MBD5: variants seen among roughly 807,000 people sequenced by gnomAD.
MBD5 encodes methyl-CpG-binding domain protein 5.
A neutral mutation model predicts 117.3 loss-of-function variants in MBD5; 13 were observed. The observed-to-expected ratio is 0.11, with a 90% CI of 0.07 to 0.18. The LOEUF (loss-of-function observed/expected upper bound fraction) is 0.18, where lower values mean the gene tolerates loss of function less well. Ranked by LOEUF, MBD5 falls within the 10% of genes least tolerant of loss-of-function variation. MBD5 has a pLI of 1.00. For missense variants in MBD5, 1,879 were observed against 2,093.8 expected (o/e 0.90, Z 2.00); for synonymous variants, 727 against 766.4 (o/e 0.95, Z 0.85).
chr2:148,106,561 T>C (rs1696378301), intron 1 of MBD5, among the ~76,000 whole-genome samples: 1 of 151,990 alleles, frequency 6.6e-6, no homozygotes, highest in Non-Finnish European at 1.5e-5. Flanking sequence ...TTGTATTTGC[T>C]GTTATATTTG....
intron 4 of MBD5, among the ~76,000 whole-genome samples, chr2:148,394,566 T>C (rs1457952307): frequency 6.6e-6 from 1 of 151,710 alleles, no homozygotes; most frequent in East Asian, 1.9e-4. Flanking sequence ...TTTTTCATTT[T>C]TTTGTTCATT....
chr2:148,050,387 CT>C (rs1311703647), intron 1 of MBD5, among the ~76,000 whole-genome samples: 1 of 151,912 alleles, frequency 6.6e-6, no homozygotes, highest in Non-Finnish European at 1.5e-5. Context: ...TATTCAAATC[CT>C]TTTCCACTTT....
rs535100824 is a variant in MBD5 at position 148,514,934 on chromosome 2, G to A, written c.*1993G>A. 6.6e-6 allele frequency: 1 copy of A among 152,138 alleles called. No individual in the cohort carries two copies. Among genetic ancestry groups the A allele is most frequent in the Non-Finnish European group, 1.5e-5 (1 of 68,036 alleles). The allele number at this position is 152,138 out of a possible 1,614,324, so 9.4% of individuals were successfully genotyped here. On this transcript the variant is annotated 3_prime_UTR_variant, in exon 14 of 14. Transcript: ENST00000642680. ...GTAGGAACCCTTCGTTCTGGGGGTA[G>A]GTTCATTTTGTCTCTCTTGTAATGG...
At chr2:148,049,374 T>TA (rs1694628856) in intron 1 of MBD5, among the ~76,000 whole-genome samples, 1 of 152,192 alleles carries the variant, frequency 6.6e-6, no homozygotes, top group Non-Finnish European at 1.5e-5. Context: ...GAATAATTGT[T>TA]ATGCTGTGGT....
chr2:148,418,698 C>T (rs1574403524), intron 4 of MBD5, among the ~76,000 whole-genome samples: 1 of 152,146 alleles, frequency 6.6e-6, no homozygotes, highest in Non-Finnish European at 1.5e-5. Flanking sequence ...ACAAGGAGAA[C>T]TATAAAACAC....
At chr2:148,329,311 AATAG>A (rs1025768268) in intron 3 of MBD5, among the ~76,000 whole-genome samples, 3 of 152,238 alleles carry the variant, frequency 2.0e-5, no homozygotes, top group East Asian at 3.9e-4. Context: ...TATAGACATA[AATAG>A]ATAGATAATT....
At chr2:148,300,244 C>T (rs1701750962) in intron 3 of MBD5, among the ~76,000 whole-genome samples, 1 of 152,030 alleles carries the variant, frequency 6.6e-6, no homozygotes, top group African/African-American at 2.4e-5. Context: ...TTAGTAGAGA[C>T]AGGGTTTCAT....
intron 4 of MBD5, among the ~76,000 whole-genome samples, chr2:148,368,347 G>T (rs1370857104): frequency 6.6e-6 from 1 of 152,056 alleles, no homozygotes; most frequent in Non-Finnish European, 1.5e-5. Context: ...GTATGGAAGG[G>T]ATAGCATTAG....
chr2:148,213,867 A>G (rs997911079), intron 2 of MBD5, among the ~76,000 whole-genome samples: 11 of 152,064 alleles, frequency 7.2e-5, no homozygotes, highest in African/African-American at 2.7e-4. Flanking sequence ...TTAGCCAGCA[A>G]TCTGTGAGTC....
intron 10 of MBD5, among the ~76,000 whole-genome samples, chr2:148,487,598 T>G (rs1053705769): frequency 1.3e-5 from 2 of 152,140 alleles, no homozygotes; most frequent in African/African-American, 4.8e-5. Context: ...GATTTAGCAA[T>G]TAGGACATCA....
chr2:148,126,243 A>C (rs866784536), intron 1 of MBD5, among the ~76,000 whole-genome samples: 3,232 of 150,912 alleles, frequency 0.021, 126 homozygotes, highest in African/African-American at 0.073. Flanking sequence ...TAAAAATAAA[A>C]AAAAAAAAAA....
intron 3 of MBD5, among the ~76,000 whole-genome samples, chr2:148,309,891 C>T (rs554675344): frequency 6.6e-6 from 1 of 152,106 alleles, no homozygotes; most frequent in Non-Finnish European, 1.5e-5. Flanking sequence ...TTATCAAAGG[C>T]CTTTTCTGCA....
intron 2 of MBD5, among the ~76,000 whole-genome samples, chr2:148,230,678 TCA>T (rs1699961870): frequency 6.6e-6 from 1 of 151,846 alleles, no homozygotes. Context: ...CCAGCAAGTC[TCA>T]GAGTCTCACC....
At chr2:148,292,463 T>C (rs955965352) in intron 3 of MBD5, among the ~76,000 whole-genome samples, 3 of 152,210 alleles carry the variant, frequency 2.0e-5, no homozygotes, top group African/African-American at 7.2e-5. Context: ...AACAGGTATA[T>C]GAAAGGGTGT....
chr2:148,079,237 T>A (rs1301495483), intron 1 of MBD5, among the ~76,000 whole-genome samples: 1 of 152,178 alleles, frequency 6.6e-6, no homozygotes, highest in Non-Finnish European at 1.5e-5. Context: ...ATAGTTTGCT[T>A]CTATCTTCCA....
intron 1 of MBD5, among the ~76,000 whole-genome samples, chr2:148,132,353 CATAT>C (rs778979879): frequency 7.0e-6 from 1 of 142,632 alleles, no homozygotes; most frequent in Non-Finnish European, 1.5e-5. Context: ...TATATATACA[CATAT>C]ATATATATAT....
chr2:148,316,810 A>G (rs773487869), intron 3 of MBD5, among the ~76,000 whole-genome samples: 2 of 152,340 alleles, frequency 1.3e-5, no homozygotes, highest in South Asian at 2.1e-4. Flanking sequence ...ATTTTACATC[A>G]GAGTGTTTGG....
chr2:148,319,376 C>A (rs1702230877), intron 3 of MBD5, among the ~76,000 whole-genome samples: 1 of 152,170 alleles, frequency 6.6e-6, no homozygotes, highest in Non-Finnish European at 1.5e-5. Context: ...ACTGATTCTT[C>A]CAATCCATGA....
intron 8 of MBD5, among the ~76,000 whole-genome samples, chr2:148,480,167 A>G (rs538026365): frequency 1.1e-4 from 17 of 152,266 alleles, no homozygotes; most frequent in African/African-American, 3.8e-4. Context: ...TCTTTGTACT[A>G]CATTTAAGAA....
Sources: allele counts gnomAD v4.1 joint callset (sites outside exome capture counted in the v4.1 genomes callset), GRCh38; gene constraint gnomAD v4.1.1; transcripts MANE v1.5; gene names NCBI Gene and HGNC (gene_info 2026-07-23, HGNC 2026-07-21).